UBE2E2: variants seen among roughly 807,000 people sequenced by gnomAD.
UBE2E2 encodes ubiquitin-conjugating enzyme E2 E2.
A neutral mutation model predicts 24.7 loss-of-function variants in UBE2E2; 6 were observed. That is an observed-to-expected ratio of 0.24 (90% CI 0.13 to 0.48). The LOEUF (loss-of-function observed/expected upper bound fraction) is 0.48, where lower values mean the gene tolerates loss of function less well. UBE2E2 is among the 20% of genes least tolerant of loss of function. UBE2E2 has a pLI of 0.99. For synonymous variants in UBE2E2, 104 were observed against 83.6 expected, an observed-to-expected ratio of 1.24 and a Z score of -1.33; for missense variants, 169 against 245.0, an observed-to-expected ratio of 0.69 and a Z score of 2.07.
chr3:23,525,451 T>C (rs904088793), intron 4 of UBE2E2, among the ~76,000 whole-genome samples: 2 of 152,220 alleles, frequency 1.3e-5, no homozygotes, highest in Non-Finnish European at 2.9e-5. Context: ...AAATAAATGT[T>C]TTCTATATCG....
At chr3:23,292,696 C>G (rs930508061) in intron 3 of UBE2E2, among the ~76,000 whole-genome samples, 9 of 152,228 alleles carry the variant, frequency 5.9e-5, no homozygotes, top group Admixed American at 1.3e-4. Flanking sequence ...AGCCTTGGCT[C>G]TGCCACTTAA....
rs1697898758 is a variant in UBE2E2 at position 23,261,422 on chromosome 3, A to G, written c.227+44110A>G. Among the ~76,000 whole-genome samples the G allele has an allele frequency of 2.6e-5, 4 of 152,186 alleles. No individual in the cohort carries two copies. The South Asian group carries it at 8.3e-4, about 31-fold the overall frequency. On this transcript the variant is annotated intron_variant, in intron 3 of 5. Transcript: ENST00000396703. ...GAAACTTACCGTAACCAAGTTAGCT[A>G]ACACGTGTATCACCTTACGTAGTTA...
chr3:23,422,036 C>T (rs1294417159), intron 3 of UBE2E2, among the ~76,000 whole-genome samples: 2 of 152,164 alleles, frequency 1.3e-5, no homozygotes, highest in African/African-American at 2.4e-5. Flanking sequence ...TGAGTCACAA[C>T]ATTAATGGGG....
chr3:23,373,490 A>T lies in UBE2E2; in HGVS notation c.228-126118A>T, dbSNP rs905299538. On this transcript the variant is annotated intron_variant, in intron 3 of 5. Transcript: ENST00000396703. ...GCCAAAGACACTCTGCTTGGTGCCT[A>T]AGACACCAAAGTGAAAACAACAGCC... 3.3e-5 allele frequency among the ~76,000 whole-genome samples: 5 copies of T among 152,120 alleles called. No homozygotes were observed. The East Asian group carries it at 5.8e-4, about 18-fold the overall frequency.
At chr3:23,253,556 G>A (rs1697636940) in intron 3 of UBE2E2, among the ~76,000 whole-genome samples, 1 of 152,208 alleles carries the variant, frequency 6.6e-6, no homozygotes, top group Admixed American at 6.5e-5. Context: ...CATTGGTACT[G>A]TGCTTCAGTA....
At chr3:23,446,381 G>A (rs1698430133) in intron 3 of UBE2E2, among the ~76,000 whole-genome samples, 1 of 152,154 alleles carries the variant, frequency 6.6e-6, no homozygotes, top group Non-Finnish European at 1.5e-5. Flanking sequence ...TACTTAAGCT[G>A]GCTAGGGTAC....
chr3:23,400,505 G>A (rs1697192205), intron 3 of UBE2E2, among the ~76,000 whole-genome samples: 2 of 151,896 alleles, frequency 1.3e-5, no homozygotes, highest in South Asian at 4.2e-4. Context: ...AAAAATAGTA[G>A]TGGATGAGTT....
intron 3 of UBE2E2, among the ~76,000 whole-genome samples, chr3:23,475,685 A>G (rs569930516): frequency 6.6e-6 from 1 of 152,168 alleles, no homozygotes; most frequent in South Asian, 2.1e-4. Context: ...TACAGATGGA[A>G]GCATACTCTT....
At chr3:23,329,025 A>G (rs969523111) in intron 3 of UBE2E2, among the ~76,000 whole-genome samples, 3 of 152,252 alleles carry the variant, frequency 2.0e-5, no homozygotes, top group East Asian at 1.9e-4. Context: ...ACAATACTCA[A>G]TACTTACGCC....
intron 3 of UBE2E2, among the ~76,000 whole-genome samples, chr3:23,355,491 A>G (rs1436566904): frequency 6.6e-6 from 1 of 152,206 alleles, no homozygotes; most frequent in Non-Finnish European, 1.5e-5. Flanking sequence ...TAAACAGCCA[A>G]AGCAAAGTGT....
Position 23,292,384 on chromosome 3 carries a change from C to T in UBE2E2, c.227+75072C>T, listed in dbSNP as rs376525255. ...CGTTATGTACCTTTCTGCAGACATACATGCCCATGCTACTTTTATTCCTGA... is the reference window on the plus strand; with the variant it reads ...CGTTATGTACCTTTCTGCAGACATATATGCCCATGCTACTTTTATTCCTGA... On this transcript the variant is annotated intron_variant, in intron 3 of 5. Transcript: ENST00000396703. 2.6e-5 allele frequency among the ~76,000 whole-genome samples: 4 copies of T among 152,270 alleles called. No individual in the cohort carries two copies. The East Asian group carries it at 5.8e-4, about 22-fold the overall frequency.
intron 3 of UBE2E2, among the ~76,000 whole-genome samples, chr3:23,299,181 T>A (rs971653856): frequency 1.1e-3 from 175 of 152,346 alleles, no homozygotes; most frequent in African/African-American, 3.4e-3. Flanking sequence ...TTCTCTCTTC[T>A]TTATTAGTCT....
At chr3:23,394,151 A>G (rs1359209496) in intron 3 of UBE2E2, among the ~76,000 whole-genome samples, 1 of 152,222 alleles carries the variant, frequency 6.6e-6, no homozygotes, top group Non-Finnish European at 1.5e-5. Flanking sequence ...TGCAAACAGC[A>G]TGGTCCTTGT....
chr3:23,517,625 C>G (rs1027430863), intron 4 of UBE2E2, among the ~76,000 whole-genome samples: 18 of 152,124 alleles, frequency 1.2e-4, no homozygotes, highest in Admixed American at 2.6e-4. Context: ...TAATCCCTGT[C>G]CTTATATAAA....
intron 5 of UBE2E2, among the ~76,000 whole-genome samples, chr3:23,558,747 C>T (rs547316463): frequency 6.6e-6 from 1 of 152,270 alleles, no homozygotes; most frequent in South Asian, 2.1e-4. Flanking sequence ...CTCTTCTCTT[C>T]ACTGAAATCT....
At chr3:23,379,959 TG>T (rs1255850850) in intron 3 of UBE2E2, among the ~76,000 whole-genome samples, 2 of 151,908 alleles carry the variant, frequency 1.3e-5, no homozygotes, top group African/African-American at 4.8e-5. Flanking sequence ...AAGGAATCAG[TG>T]GGGCAGTCTT....
chr3:23,261,451 A>ATT (rs953098426), intron 3 of UBE2E2, among the ~76,000 whole-genome samples: 1 of 151,930 alleles, frequency 6.6e-6, no homozygotes, highest in African/African-American at 2.4e-5. Flanking sequence ...GTAGTTACCA[A>ATT]TTTTTTTTAT....
chr3:23,397,498 C>T (rs762696643), intron 3 of UBE2E2, among the ~76,000 whole-genome samples: 13 of 152,296 alleles, frequency 8.5e-5, no homozygotes, highest in Non-Finnish European at 1.5e-4. Context: ...CAGCTTCCCC[C>T]CTCCAAGAAA....
At chr3:23,343,102 A>G (rs188253814) in intron 3 of UBE2E2, among the ~76,000 whole-genome samples, 335 of 151,700 alleles carry the variant, frequency 2.2e-3, no homozygotes, top group African/African-American at 7.1e-3. Flanking sequence ...ATTAGTATGT[A>G]TATATATATG....
Sources: gnomAD v4.1 joint callset for allele counts (sites outside exome capture counted in the v4.1 genomes callset) on GRCh38, gnomAD v4.1.1 for gene constraint, MANE v1.5 for transcripts, NCBI Gene and HGNC (gene_info 2026-07-23, HGNC 2026-07-21) for gene names.